Variants in GNG12 observed in about 807,000 individuals in gnomAD.
The protein encoded by GNG12 is guanine nucleotide-binding protein G(I)/G(S)/G(O) subunit gamma-12.
For missense variants in GNG12, 69 were observed against 83.8 expected (o/e 0.82, Z 0.69); for synonymous variants, 28 against 29.7 (o/e 0.94, Z 0.19).
At chr1:67,828,813 G>A (rs1647026247) in intron 1 of GNG12, among the ~76,000 whole-genome samples, 1 of 152,176 alleles carries the variant, frequency 6.6e-6, no homozygotes, top group Non-Finnish European at 1.5e-5. Flanking sequence ...TATTCTTCAT[G>A]AAGATCAAAC....
chr1:67,772,549 C>T (rs899810481), intron 2 of GNG12: 3 of 152,172 alleles, frequency 2.0e-5, no homozygotes, highest in African/African-American at 7.2e-5. Context: ...CAACACCTCT[C>T]CTTTTTATTA....
intron 1 of GNG12, among the ~76,000 whole-genome samples, chr1:67,829,928 GC>G (rs2100832852): frequency 6.6e-6 from 1 of 151,500 alleles, no homozygotes; most frequent in African/African-American, 2.4e-5. Flanking sequence ...TCCTGGTTCA[GC>G]CCAATTCTGT....
intron 2 of GNG12, among the ~76,000 whole-genome samples, chr1:67,754,843 G>A (rs918044010): frequency 2.0e-5 from 3 of 152,172 alleles, no homozygotes; most frequent in African/African-American, 7.2e-5. Context: ...TTGTGTAGCA[G>A]GCACTCCAGC....
At chr1:67,786,933 A>ATGTGTGTGTG (rs1478985977) in intron 1 of GNG12, among the ~76,000 whole-genome samples, 7 of 52,114 alleles carry the variant, frequency 1.3e-4, no homozygotes, top group South Asian at 9.8e-4. Flanking sequence ...ACTTATATAT[A>ATGTGTGTGTG]TATGTGTGTG....
chr1:67,786,812 C>T (rs1421420695), intron 1 of GNG12, among the ~76,000 whole-genome samples: 1 of 152,004 alleles, frequency 6.6e-6, no homozygotes, highest in Admixed American at 6.6e-5. Flanking sequence ...TGGCACGTGC[C>T]TGTACTCCCA....
At chr1:67,748,925 A>G (rs192072017) in intron 2 of GNG12, among the ~76,000 whole-genome samples, 11 of 152,204 alleles carry the variant, frequency 7.2e-5, no homozygotes, top group African/African-American at 2.6e-4. Flanking sequence ...TGTGAAGTCC[A>G]GAATAGCCTC....
intron 2 of GNG12, among the ~76,000 whole-genome samples, chr1:67,742,884 T>C (rs1028059495): frequency 6.6e-6 from 1 of 152,074 alleles, no homozygotes; most frequent in East Asian, 1.9e-4. Flanking sequence ...ATGGATGATA[T>C]TGACACAAGG....
At chr1:67,763,789 A>C (rs148572482) in intron 2 of GNG12, among the ~76,000 whole-genome samples, 1 of 152,098 alleles carries the variant, frequency 6.6e-6, no homozygotes, top group East Asian at 1.9e-4. Context: ...TTGGCTTTCC[A>C]CCATTAATTT....
intron 2 of GNG12, among the ~76,000 whole-genome samples, chr1:67,750,500 C>G (rs943804344): frequency 1.3e-5 from 2 of 152,162 alleles, no homozygotes; most frequent in Non-Finnish European, 2.9e-5. Flanking sequence ...TTTTGTTTCA[C>G]CCTGCTATGC....
chr1:67,730,216 G>A (rs1557598632), intron 2 of GNG12, among the ~76,000 whole-genome samples: 1 of 152,164 alleles, frequency 6.6e-6, no homozygotes, highest in Non-Finnish European at 1.5e-5. Context: ...AGTGAAAAAG[G>A]AGACTGGGTG....
intron 1 of GNG12, among the ~76,000 whole-genome samples, chr1:67,785,689 C>T (rs1023527803): frequency 6.6e-6 from 1 of 152,118 alleles, no homozygotes; most frequent in Non-Finnish European, 1.5e-5. Context: ...GTACAGGTTG[C>T]ACTAACTGTA....
intron 1 of GNG12, among the ~76,000 whole-genome samples, chr1:67,794,220 C>A (rs1646817103): frequency 1.3e-5 from 2 of 152,186 alleles, no homozygotes; most frequent in South Asian, 4.1e-4. Flanking sequence ...AGAGAGTCCT[C>A]AACATCTCCT....
chr1:67,720,709 A>C (rs1403821438), intron 2 of GNG12, among the ~76,000 whole-genome samples: 1 of 152,236 alleles, frequency 6.6e-6, no homozygotes, highest in Non-Finnish European at 1.5e-5. Context: ...ATTCTAAAAG[A>C]ATATATACAT....
chr1:67,736,945 G>C (rs949345702), intron 2 of GNG12, among the ~76,000 whole-genome samples: 10 of 152,216 alleles, frequency 6.6e-5, no homozygotes, highest in Non-Finnish European at 1.5e-4. Context: ...TCATTTTGCA[G>C]ATGTGTAAAC....
At position 67,705,405 on chromosome 1, in the gene GNG12, T is replaced by C. The variant is rs370081170; in HGVS notation, c.*46A>G. ...GTAAATCTCTTCAAGGAGCTGCTCA[T>C]AATTTGCGTTGTTGGGAAGAGGCGA... On this transcript the variant is annotated 3_prime_UTR_variant, in exon 4 of 4. Transcript: ENST00000370982. 1.2e-6 allele frequency: 2 copies of C among 1,604,402 alleles called. No individual in the cohort carries two copies. The highest frequency in any genetic ancestry group is 2.7e-5 in the African/African-American group (2 of 74,358).
intron 2 of GNG12, among the ~76,000 whole-genome samples, chr1:67,764,567 C>T (rs1646624905): frequency 6.6e-6 from 1 of 152,124 alleles, no homozygotes. Context: ...TTGCAATTAC[C>T]TGACTTTGAG....
intron 2 of GNG12, among the ~76,000 whole-genome samples, chr1:67,751,936 A>G (rs756130973): frequency 1.3e-5 from 2 of 152,216 alleles, no homozygotes; most frequent in Non-Finnish European, 2.9e-5. Flanking sequence ...GGCACAACAG[A>G]GATGCCAGGT....
intron 1 of GNG12, among the ~76,000 whole-genome samples, chr1:67,789,685 G>A (rs760290340): frequency 1.3e-5 from 2 of 152,144 alleles, no homozygotes; most frequent in Non-Finnish European, 2.9e-5. Flanking sequence ...CGGCACAATC[G>A]GGCAGGATGC....
At chr1:67,744,078 A>G (rs1245616780) in intron 2 of GNG12, among the ~76,000 whole-genome samples, 1 of 152,184 alleles carries the variant, frequency 6.6e-6, no homozygotes, top group Admixed American at 6.5e-5. Context: ...ATGTAACAGT[A>G]TTTACTGGAT....
Sources: gnomAD v4.1 joint callset for allele counts (sites outside exome capture counted in the v4.1 genomes callset) on GRCh38, gnomAD v4.1.1 for gene constraint, MANE v1.5 for transcripts, NCBI Gene and HGNC (gene_info 2026-07-23, HGNC 2026-07-21) for gene names.